The following TAOK3 variants were observed in gnomAD, a reference collection of about 807,000 sequenced individuals.
TAOK3 encodes the protein serine/threonine-protein kinase TAO3.
Under a neutral mutation model 120.4 loss-of-function variants are expected in TAOK3, and 40 were observed. The observed-to-expected ratio is 0.33, with a 90% CI of 0.26 to 0.43. The LOEUF is 0.43. TAOK3 is among the 20% of genes least tolerant of loss of function. The pLI, the probability that TAOK3 is intolerant of heterozygous loss-of-function variation, is 1.00. For synonymous variants in TAOK3, 355 were observed against 387.5 expected, an observed-to-expected ratio of 0.92 and a Z score of 0.99; for missense variants, 821 against 1,112.1, an observed-to-expected ratio of 0.74 and a Z score of 3.72.
intron 5 of TAOK3, among the ~76,000 whole-genome samples, chr12:118,242,841 C>G (rs770511844): frequency 2.6e-5 from 4 of 151,580 alleles, no homozygotes; most frequent in Non-Finnish European, 5.9e-5. Context: ...GCCTGGGCAA[C>G]AAGAGTGAAT....
intron 2 of TAOK3, among the ~76,000 whole-genome samples, chr12:118,261,258 T>C (rs984118055): frequency 4.6e-5 from 7 of 152,018 alleles, no homozygotes; most frequent in Admixed American, 1.3e-4. Flanking sequence ...ACAGAAAAAA[T>C]TATTTGAGGA....
chr12:118,219,077 A>G (rs1399406718), intron 9 of TAOK3, among the ~76,000 whole-genome samples: 1 of 152,188 alleles, frequency 6.6e-6, no homozygotes, highest in Non-Finnish European at 1.5e-5. Context: ...GGACTTCATT[A>G]TCATGGGACT....
chr12:118,185,580 G>A (rs1162470809), intron 14 of TAOK3, among the ~76,000 whole-genome samples: 1 of 152,132 alleles, frequency 6.6e-6, no homozygotes, highest in African/African-American at 2.4e-5. Flanking sequence ...GTCACATTTT[G>A]GCATTAGAAA....
chr12:118,263,075 A>G (rs1284807296), intron 2 of TAOK3, among the ~76,000 whole-genome samples: 1 of 152,204 alleles, frequency 6.6e-6, no homozygotes, highest in African/African-American at 2.4e-5. Flanking sequence ...GAGAGCTAGC[A>G]TAAAATAATT....
At chr12:118,366,445 T>C (rs2045743742) in intron 1 of TAOK3, among the ~76,000 whole-genome samples, 1 of 152,154 alleles carries the variant, frequency 6.6e-6, no homozygotes, top group East Asian at 1.9e-4. Context: ...ATAGCCTTGA[T>C]TGCCATGGAC....
intron 1 of TAOK3, among the ~76,000 whole-genome samples, chr12:118,285,959 G>C (rs893168206): frequency 1.3e-5 from 2 of 152,198 alleles, no homozygotes; most frequent in Admixed American, 6.5e-5. Context: ...CCAGGTCACA[G>C]GTAGGTAAGA....
chr12:118,327,293 C>T (rs1238641482), intron 1 of TAOK3, among the ~76,000 whole-genome samples: 1 of 152,136 alleles, frequency 6.6e-6, no homozygotes, highest in Non-Finnish European at 1.5e-5. Flanking sequence ...GATGTAGGCA[C>T]TATTATCCTA....
At chr12:118,178,998 C>T (rs1315130935) in intron 15 of TAOK3, among the ~76,000 whole-genome samples, 1 of 152,200 alleles carries the variant, frequency 6.6e-6, no homozygotes, top group African/African-American at 2.4e-5. Flanking sequence ...CTGCAACTTC[C>T]ATGAAGGACA....
intron 1 of TAOK3, among the ~76,000 whole-genome samples, chr12:118,351,014 A>G (rs2045125363): frequency 6.6e-6 from 1 of 151,496 alleles, no homozygotes; most frequent in Non-Finnish European, 1.5e-5. Flanking sequence ...CCCCATCTCT[A>G]CAAAAAATAC....
At chr12:118,208,228 G>A (rs2038436210) in intron 11 of TAOK3, among the ~76,000 whole-genome samples, 1 of 152,146 alleles carries the variant, frequency 6.6e-6, no homozygotes, top group Non-Finnish European at 1.5e-5. Flanking sequence ...GATTAAGTGT[G>A]AAAGTGATGT....
intron 7 of TAOK3, chr12:118,235,950 C>T (rs546402494): frequency 4.3e-5 from 12 of 280,436 alleles, no homozygotes; most frequent in Non-Finnish European, 6.8e-5. Context: ...GCAGACATGG[C>T]GAACAAGAAA....
At position 118,215,928 on chromosome 12, in the gene TAOK3, G is replaced by A. The variant is rs114448522; in HGVS notation, c.644-1818C>T. On this transcript the variant is annotated intron_variant, in intron 9 of 20. Transcript: ENST00000392533. ...TTTTTTTTGTATAGAGGCTGGGCGC[G>A]TTGGCTGACACCTATAATCCCAACA... 8.7e-3 allele frequency among the ~76,000 whole-genome samples: 1,308 copies of A among 151,206 alleles called. 12 individuals are homozygous for A. The highest frequency in any genetic ancestry group is 0.029 in the African/African-American group (1,197 of 41,116).
intron 12 of TAOK3, chr12:118,199,791 GTAAT>G (rs2037930275): frequency 6.3e-6 from 1 of 158,322 alleles, no homozygotes; most frequent in South Asian, 1.8e-4. Flanking sequence ...TCCTGGACAG[GTAAT>G]TAAAGTCTGC....
chr12:118,163,610 T>TAA (rs879880335), intron 17 of TAOK3, among the ~76,000 whole-genome samples: 3 of 129,450 alleles, frequency 2.3e-5, no homozygotes, highest in Non-Finnish European at 5.0e-5. Context: ...ACGTCCAAAT[T>TAA]AAAAAAAAAA....
At chr12:118,322,490 T>C (rs2043753780) in intron 1 of TAOK3, among the ~76,000 whole-genome samples, 3 of 152,004 alleles carry the variant, frequency 2.0e-5, no homozygotes, top group Non-Finnish European at 4.4e-5. Flanking sequence ...AACTTTTCTA[T>C]AAAGCTCCTG....
chr12:118,181,755 G>A, intron 14 of TAOK3, 148 bp from the exon 15 acceptor site: 1 of 668,882 alleles, frequency 1.5e-6, no homozygotes. Context: ...CCCGTAGGGG[G>A]CACTGTGCTA....
intron 1 of TAOK3, among the ~76,000 whole-genome samples, chr12:118,291,187 G>T (rs2042464791): frequency 1.4e-5 from 2 of 147,982 alleles, no homozygotes; most frequent in African/African-American, 5.0e-5. Flanking sequence ...ATGGAGTTTT[G>T]CTCTTGTCTC....
At position 118,235,552 on chromosome 12, in the gene TAOK3, A is replaced by G. The variant is rs1593251294; in HGVS notation, c.551+6T>C. ...AAACTATGTCATATAGCCTAATTCT[A>G]CATACCAGTAAGGTGTGCCCACGAA... On this transcript the variant is annotated splice_donor_region_variant and intron_variant, in intron 8 of 20. Transcript: ENST00000392533. 6.2e-7 allele frequency: 1 copy of G among 1,605,162 alleles called. No homozygotes were observed. Among genetic ancestry groups the G allele is most frequent in the South Asian group, 1.1e-5 (1 of 90,818 alleles).
At position 118,371,423 on chromosome 12, in the gene TAOK3, G is replaced by T. The variant is rs987409095; in HGVS notation, c.-194+1225C>A. On this transcript the variant is annotated intron_variant, in intron 1 of 20. Coordinates refer to ENST00000392533, the MANE Select transcript of TAOK3 (RefSeq NM_016281.4). This position sits in a 1 kb window ranked among gnomAD's most constrained non-coding sequence, Gnocchi z 5.5. ...AGAGGTCAGGCCGCGCAGGTCTCTT[G>T]ATCATTCCAAGATCTTTGTCCTGCA... 6.6e-6 allele frequency among the ~76,000 whole-genome samples: 1 copy of T among 152,116 alleles called. No individual in the cohort carries two copies. The highest frequency in any genetic ancestry group is 1.5e-5 in the Non-Finnish European group (1 of 68,004).
Sources: gnomAD v4.1 joint callset for allele counts (sites outside exome capture counted in the v4.1 genomes callset) on GRCh38, gnomAD v4.1.1 for gene constraint, Gnocchi (gnomAD v3.1) non-coding constraint, MANE v1.5 for transcripts, NCBI Gene and HGNC (gene_info 2026-07-23, HGNC 2026-07-21) for gene names.